Variants in PTPRR observed in about 807,000 individuals in gnomAD.
PTPRR encodes the protein protein tyrosine phosphatase receptor type R.
Under a neutral mutation model 77.2 loss-of-function variants are expected in PTPRR, and 38 were observed. The observed-to-expected ratio is 0.49, with a 90% CI of 0.38 to 0.65. The LOEUF is 0.65. PTPRR is among the 30% of genes least tolerant of loss of function. The pLI is 0.00. For missense variants in PTPRR, 744 were observed against 799.2 expected (o/e 0.93, Z 0.83); for synonymous variants, 299 against 283.1 (o/e 1.06, Z -0.57).
chr12:70,800,585 G>A (rs900726947), intron 2 of PTPRR, among the ~76,000 whole-genome samples: 2 of 151,976 alleles, frequency 1.3e-5, no homozygotes, highest in Non-Finnish European at 2.9e-5. Context: ...TTACTAATGA[G>A]GTAACTGAGG....
intron 2 of PTPRR, among the ~76,000 whole-genome samples, chr12:70,851,173 G>T (rs1892565884): frequency 6.6e-6 from 1 of 152,266 alleles, no homozygotes; most frequent in Non-Finnish European, 1.5e-5. Context: ...GCTAGTAAGA[G>T]TCAAAGCCAG....
intron 6 of PTPRR, among the ~76,000 whole-genome samples, chr12:70,745,540 AT>A (rs1316435565): frequency 1.3e-5 from 2 of 152,332 alleles, no homozygotes; most frequent in Admixed American, 1.3e-4. Context: ...GTGAACCTCA[AT>A]AAGCTAGAAA....
intron 5 of PTPRR, 118 bp from the exon 6 acceptor site, chr12:70,746,204 A>G (rs911761231): frequency 1.0e-6 from 1 of 954,170 alleles, no homozygotes; most frequent in Non-Finnish European, 1.5e-6. Context: ...TAAAGTAAAC[A>G]AAGCCCTCTG....
chr12:70,680,248 G>T (rs1479124052), intron 10 of PTPRR, among the ~76,000 whole-genome samples: 1 of 151,950 alleles, frequency 6.6e-6, no homozygotes, highest in Non-Finnish European at 1.5e-5. Context: ...TTTCTTTAGG[G>T]GTCAGTTACT....
At chr12:70,915,337 A>G (rs1015445934) in intron 1 of PTPRR, among the ~76,000 whole-genome samples, 1 of 152,192 alleles carries the variant, frequency 6.6e-6, no homozygotes, top group Non-Finnish European at 1.5e-5. Flanking sequence ...GAATGTGCAT[A>G]ATGCATCCCA....
intron 5 of PTPRR, among the ~76,000 whole-genome samples, chr12:70,749,649 A>G (rs1166579227): frequency 2.6e-5 from 4 of 152,192 alleles, no homozygotes; most frequent in Non-Finnish European, 4.4e-5. Context: ...TATTTATTAC[A>G]TGATGTTAAG....
chr12:70,659,714 A>T (rs1431538798), intron 12 of PTPRR, among the ~76,000 whole-genome samples: 1 of 152,180 alleles, frequency 6.6e-6, no homozygotes, highest in Non-Finnish European at 1.5e-5. Context: ...CTTTGGATAA[A>T]TAGACACATA....
chr12:70,711,026 C>T (rs906919234), intron 6 of PTPRR, among the ~76,000 whole-genome samples: 69 of 152,040 alleles, frequency 4.5e-4, no homozygotes, highest in African/African-American at 1.4e-3. Context: ...AAATATCATT[C>T]GACCCAGCAA....
intron 10 of PTPRR, among the ~76,000 whole-genome samples, chr12:70,670,708 A>G (rs1400915560): frequency 6.6e-6 from 1 of 152,166 alleles, no homozygotes; most frequent in African/African-American, 2.4e-5. Context: ...ACTACTTGCC[A>G]TTTTGGATTG....
In PTPRR at chr12:70,650,808, T is replaced by C. The variant is rs6581951; in HGVS notation, c.1880+5896A>G. 3.8e-3 allele frequency among the ~76,000 whole-genome samples: 582 copies of C among 152,022 alleles called. 4 individuals are homozygous for C. The highest frequency in any genetic ancestry group is 0.014 in the African/African-American group (565 of 41,422). ...GTGCAAAAATAATTATAATAGCAAATACCCCAATTACTTTGGCACCAAACT... is the reference window on the plus strand; with the variant it reads ...GTGCAAAAATAATTATAATAGCAAACACCCCAATTACTTTGGCACCAAACT... On this transcript the variant is annotated intron_variant, in intron 13 of 13. Coordinates refer to ENST00000283228, the MANE Select transcript of PTPRR (RefSeq NM_002849.4).
intron 6 of PTPRR, among the ~76,000 whole-genome samples, chr12:70,704,991 T>C (rs1458678272): frequency 1.3e-5 from 2 of 152,010 alleles, no homozygotes; most frequent in East Asian, 3.9e-4. Flanking sequence ...CCAATTATTA[T>C]TTATGCCAAA....
At chr12:70,792,310 A>G (rs1312679467) in intron 2 of PTPRR, among the ~76,000 whole-genome samples, 1 of 152,218 alleles carries the variant, frequency 6.6e-6, no homozygotes, top group East Asian at 1.9e-4. Context: ...CAGCGATGAA[A>G]TTCAAAATGG....
At chr12:70,917,925 A>T (rs1194298963) in intron 1 of PTPRR, among the ~76,000 whole-genome samples, 1 of 152,212 alleles carries the variant, frequency 6.6e-6, no homozygotes, top group Non-Finnish European at 1.5e-5. Context: ...ACCAAAATGG[A>T]TCAATTAGCT....
chr12:70,764,008 C>CTTT (rs1249116948), intron 3 of PTPRR, among the ~76,000 whole-genome samples: 33 of 132,180 alleles, frequency 2.5e-4, no homozygotes, highest in African/African-American at 8.6e-4. Flanking sequence ...TTTGGGTTTA[C>CTTT]TTTTTTTTTT....
At chr12:70,754,133 C>A (rs749696711) in intron 5 of PTPRR, 58 bp downstream of exon 5, 35 of 1,497,522 alleles carry the variant, frequency 2.3e-5, no homozygotes, top group Non-Finnish European at 3.0e-5. Flanking sequence ...GCAATGTACC[C>A]ACTAATATCA....
chr12:70,883,772 AAGC>A (rs1893188655), intron 2 of PTPRR, among the ~76,000 whole-genome samples: 1 of 152,224 alleles, frequency 6.6e-6, no homozygotes, highest in Non-Finnish European at 1.5e-5. Flanking sequence ...ATTAGTTAGG[AAGC>A]AGACTTTGAT....
At chr12:70,805,031 C>T (rs1272282833) in intron 2 of PTPRR, among the ~76,000 whole-genome samples, 2 of 152,066 alleles carry the variant, frequency 1.3e-5, no homozygotes, top group East Asian at 3.9e-4. Flanking sequence ...TAGTATATAT[C>T]CTTTATATCA....
chr12:70,859,247 GAGTT>G, intron 2 of PTPRR, among the ~76,000 whole-genome samples: 1 of 152,038 alleles, frequency 6.6e-6, no homozygotes, highest in Non-Finnish European at 1.5e-5. Context: ...CTCTAGCTGT[GAGTT>G]AGAATCAGTA....
intron 2 of PTPRR, among the ~76,000 whole-genome samples, chr12:70,827,498 G>A (rs1397778482): frequency 1.6e-4 from 25 of 151,878 alleles, no homozygotes; most frequent in Non-Finnish European, 8.8e-5. Context: ...AGTGGAGGGG[G>A]TAAGGGAGCT....
Sources: allele counts gnomAD v4.1 joint callset (sites outside exome capture counted in the v4.1 genomes callset), GRCh38; gene constraint gnomAD v4.1.1; transcripts MANE v1.5; gene names NCBI Gene and HGNC (gene_info 2026-07-23, HGNC 2026-07-21).